SNX16: variants seen among roughly 807,000 people sequenced by gnomAD.
The protein encoded by SNX16 is sorting nexin 16, also known as sorting nexin-16.
A neutral mutation model predicts 36.7 loss-of-function variants in SNX16; 35 were observed. The ratio of observed to expected loss-of-function variants is 0.95; its 90% CI spans 0.73 to 1.27. The LOEUF (loss-of-function observed/expected upper bound fraction) is 1.27, where lower values mean the gene tolerates loss of function less well. SNX16 is among the 50% of genes most tolerant of loss of function. The pLI is 0.00. For synonymous variants in SNX16, 134 were observed against 132.0 expected, an observed-to-expected ratio of 1.02 and a Z score of -0.10; for missense variants, 367 against 393.6, an observed-to-expected ratio of 0.93 and a Z score of 0.57.
intron 3 of SNX16, among the ~76,000 whole-genome samples, chr8:81,824,949 G>A (rs1342608649): frequency 1.3e-5 from 2 of 152,184 alleles, no homozygotes; most frequent in African/African-American, 4.8e-5. Flanking sequence ...GATGCTGGCT[G>A]CTGGCTGAGA....
chr8:81,803,004 C>A, intron 6 of SNX16, 88 bp downstream of exon 6: 1 of 1,205,808 alleles, frequency 8.3e-7, no homozygotes, highest in Non-Finnish European at 1.1e-6. Flanking sequence ...CAGAAAATTC[C>A]TAAATCATAT....
At chr8:81,818,243 T>A (rs747118628) in intron 4 of SNX16, among the ~76,000 whole-genome samples, 15 of 152,238 alleles carry the variant, frequency 9.9e-5, no homozygotes, top group South Asian at 8.3e-4. Context: ...TGAGATAGCA[T>A]TATATGAACT....
chr8:81,810,621 A>G (rs1810193923), intron 5 of SNX16, among the ~76,000 whole-genome samples: 1 of 152,230 alleles, frequency 6.6e-6, no homozygotes, highest in East Asian at 1.9e-4. Flanking sequence ...GATACATTCC[A>G]TATTACTCTG....
chr8:81,811,368 A>T (rs1406613900), intron 5 of SNX16, among the ~76,000 whole-genome samples: 1 of 152,152 alleles, frequency 6.6e-6, no homozygotes. Context: ...AGAATAGGAG[A>T]TGGGAAAGGA....
At position 81,829,451 on chromosome 8, in the gene SNX16, G is replaced by T; in HGVS notation, c.441C>A (p.Asp147Glu). Residue 147 changes from aspartate to glutamate, a missense_variant, in exon 3 of 8, where the codon GAC (aspartate) becomes GAA (glutamate). Asp to Glu is a conservative substitution (Grantham distance 45). Coordinates refer to ENST00000345957, the MANE Select transcript of SNX16 (RefSeq NM_152836.3). ...TTACTTTGTCATTAAGCCTAGAGAA[G>T]TCAGTGTATCTTCTGAAAACTACCC... ...ESWVVFRRYT[D>E]FSRLNDKLKE... 2 of 1,422,442 alleles carry T rather than the reference G, an allele frequency of 1.4e-6. No homozygotes were observed. The highest frequency in any genetic ancestry group is 1.8e-6 in the Non-Finnish European group (2 of 1,083,162). The allele number at this position is 1,422,442 out of a possible 1,614,324, so 88.1% of individuals were successfully genotyped here.
At chr8:81,830,612 A>G (rs1315273653) in intron 2 of SNX16, among the ~76,000 whole-genome samples, 1 of 151,204 alleles carries the variant, frequency 6.6e-6, no homozygotes, top group Non-Finnish European at 1.5e-5. Flanking sequence ...GAGAAATCAC[A>G]GATAACACAA....
At chr8:81,824,504 C>A (rs1810928738) in intron 3 of SNX16, among the ~76,000 whole-genome samples, 1 of 151,568 alleles carries the variant, frequency 6.6e-6, no homozygotes, top group South Asian at 2.1e-4. Flanking sequence ...TCCATTGTTT[C>A]TTTTATGGTT....
In SNX16 at chr8:81,839,926, T is replaced by C; in HGVS notation, c.61A>G (p.Thr21Ala). Residue 21 changes from threonine (T) to alanine (A), a missense_variant, in exon 2 of 8, where the codon ACA becomes GCA. Coordinates refer to ENST00000345957, the MANE Select transcript of SNX16 (RefSeq NM_152836.3). ...GAAGAACTTCTTTGATTTCTGTTTG[T>C]TGTAAAACTGGAAGCAGAGTTTCCT... ...PIGNSASSFTTNRNQRSSSFG... is the reference protein window; with the variant it reads ...PIGNSASSFTANRNQRSSSFG... 6 of 1,613,972 alleles carry C rather than the reference T, an allele frequency of 3.7e-6. No individual in the cohort carries two copies. The highest frequency in any genetic ancestry group is 2.2e-5 in the South Asian group (2 of 91,080).
At chr8:81,824,613 A>G (rs1810935031) in intron 3 of SNX16, among the ~76,000 whole-genome samples, 1 of 152,086 alleles carries the variant, frequency 6.6e-6, no homozygotes, top group South Asian at 2.1e-4. Context: ...TAACTTTTAT[A>G]TTCTGGTTAT....
chr8:81,809,868 T>A lies in SNX16; in HGVS notation c.681+5457A>T, dbSNP rs567664606. Among the ~76,000 whole-genome samples, 30 of 152,264 alleles carry A rather than the reference T, an allele frequency of 2.0e-4. No individual in the cohort carries two copies. The South Asian group carries it at 3.7e-3, about 19-fold the overall frequency. On this transcript the variant is annotated intron_variant, in intron 5 of 7. Coordinates refer to ENST00000345957, the MANE Select transcript of SNX16 (RefSeq NM_152836.3). ...CCTTGGGTTTCTTCCAAGATTAACA[T>A]CCACCCCAGTGAGGGAGGTACCTTA...
intron 4 of SNX16, among the ~76,000 whole-genome samples, chr8:81,820,415 G>T (rs1159677289): frequency 6.6e-6 from 1 of 152,050 alleles, no homozygotes; most frequent in East Asian, 1.9e-4. Flanking sequence ...ACTGATGGCA[G>T]AATCAGTGCA....
intron 4 of SNX16, among the ~76,000 whole-genome samples, chr8:81,816,176 A>ATTTT (rs1412960282): frequency 2.4e-5 from 3 of 127,056 alleles, no homozygotes; most frequent in Non-Finnish European, 3.5e-5. Context: ...TTTACAAAGG[A>ATTTT]TTTTCTTTTT....
At chr8:81,821,604 T>C (rs1222200049) in intron 4 of SNX16, among the ~76,000 whole-genome samples, 1 of 152,092 alleles carries the variant, frequency 6.6e-6, no homozygotes, top group Non-Finnish European at 1.5e-5. Context: ...CTTTTCTCTT[T>C]TTTCTTTTGA....
At chr8:81,807,146 T>C (rs1180791031) in intron 5 of SNX16, among the ~76,000 whole-genome samples, 9 of 152,136 alleles carry the variant, frequency 5.9e-5, no homozygotes, top group Non-Finnish European at 4.4e-5. Flanking sequence ...AAGGGCACCC[T>C]TGTTCTGCCA....
Position 81,839,721 on chromosome 8 carries a change from C to G in SNX16, c.266G>C (p.Arg89Thr). 1 of 1,613,940 alleles carries G rather than the reference C, an allele frequency of 6.2e-7. No homozygotes were observed. Among genetic ancestry groups the G allele is most frequent in the Non-Finnish European group, 8.5e-7 (1 of 1,179,906 alleles). The stretch of plus-strand genomic sequence containing the variant: ...ATTTTGTTCTTCAGTGTCTCTTGGT[C>G]TAGTAGAATACTCAATGGAAGAAGC... ...GTASSIEYST[R>T]PRDTEEQNPE... The change falls in exon 2 of 8, where the codon AGA becomes ACA. Residue 89 changes from arginine (R) to threonine (T), a missense_variant. Transcript: ENST00000345957.
chr8:81,815,222 A>T, intron 5 of SNX16, 103 bp downstream of exon 5: 1 of 843,512 alleles, frequency 1.2e-6, no homozygotes, highest in Non-Finnish European at 1.7e-6. Context: ...CATAGCCTGA[A>T]ATTATAATAT....
chr8:81,839,652 A>G lies in SNX16; in HGVS notation c.335T>C (p.Ile112Thr). 1 of 1,613,776 alleles carries G rather than the reference A, an allele frequency of 6.2e-7. No individual in the cohort carries two copies. The highest frequency in any genetic ancestry group is 1.1e-5 in the South Asian group (1 of 91,068). Residue 112 changes from isoleucine (I) to threonine (T), a missense_variant, in exon 2 of 8, where the codon ATA (isoleucine) becomes ACA (threonine). Coordinates refer to ENST00000345957, the MANE Select transcript of SNX16 (RefSeq NM_152836.3). ...TTCTTCCATCACTTCATAACCCAGT[A>G]TAGTAGGTGTAGATGGTCTATCTTC... ...NWEDRPSTPT[I>T]LGYEVMEERA...
In SNX16 at chr8:81,807,879, A is replaced by T. The variant is rs2600602; in HGVS notation, c.682-4651T>A. ...AGAGCCTGAGGAGCCATTTTGAGCAATGGGGAACCCTCACGAACTGTGCGG... is the reference window on the plus strand; with the variant it reads ...AGAGCCTGAGGAGCCATTTTGAGCATTGGGGAACCCTCACGAACTGTGCGG... On this transcript the variant is annotated intron_variant, in intron 5 of 7. Coordinates refer to ENST00000345957, the MANE Select transcript of SNX16 (RefSeq NM_152836.3). 2.3e-3 allele frequency: 1,758 copies of T among 764,352 alleles called. 6 individuals are homozygous for T. The highest frequency in any genetic ancestry group is 3.6e-3 in the Non-Finnish European group (1,515 of 416,952). The allele number at this position is 764,352 out of a possible 1,614,324, so 47.3% of individuals were successfully genotyped here.
intron 2 of SNX16, among the ~76,000 whole-genome samples, chr8:81,832,209 T>G (rs1811301512): frequency 6.6e-6 from 1 of 152,178 alleles, no homozygotes; most frequent in Non-Finnish European, 1.5e-5. Context: ...GTGGTACAGA[T>G]ACACCATGGA....
Sources: gnomAD v4.1 joint callset for allele counts (sites outside exome capture counted in the v4.1 genomes callset) on GRCh38, gnomAD v4.1.1 for gene constraint, MANE v1.5 for transcripts, NCBI Gene and HGNC (gene_info 2026-07-23, HGNC 2026-07-21) for gene names.